The following PRPSAP1 variants were observed in gnomAD, a reference collection of about 807,000 sequenced individuals.
PRPSAP1 encodes the protein phosphoribosyl pyrophosphate synthase-associated protein 1.
PRPSAP1 carries 31 observed loss-of-function variants against 39.4 expected under a neutral mutation model. The ratio of observed to expected loss-of-function variants is 0.79; its 90% CI spans 0.59 to 1.06. The LOEUF is 1.06. PRPSAP1 is among the 50% of genes least tolerant of loss of function. The probability of loss-of-function intolerance (pLI) is 0.00; values close to 1 mark genes in which losing one functional copy is unlikely to be tolerated. For synonymous variants in PRPSAP1, 212 were observed against 192.6 expected, an observed-to-expected ratio of 1.10 and a Z score of -0.83; for missense variants, 430 against 511.6, an observed-to-expected ratio of 0.84 and a Z score of 1.54.
intron 7 of PRPSAP1, among the ~76,000 whole-genome samples, chr17:76,319,828 C>T (rs912814825): frequency 8.5e-5 from 13 of 152,132 alleles, no homozygotes; most frequent in African/African-American, 3.1e-4. Context: ...TGGCCAAGTA[C>T]AGTGCTAAGA....
intron 3 of PRPSAP1, among the ~76,000 whole-genome samples, chr17:76,338,748 A>C (rs1352541429): frequency 6.6e-6 from 1 of 151,716 alleles, no homozygotes; most frequent in Non-Finnish European, 1.5e-5. Flanking sequence ...AAAATAAAAA[A>C]TTAGGCCAGG....
chr17:76,351,489 T>C (rs1466191009), intron 1 of PRPSAP1, among the ~76,000 whole-genome samples: 1 of 151,836 alleles, frequency 6.6e-6, no homozygotes, highest in African/African-American at 2.4e-5. Context: ...CACTCCAGCC[T>C]GGGCGACAGC....
intron 3 of PRPSAP1, chr17:76,337,415 A>G (rs2071390515): frequency 8.4e-6 from 1 of 118,504 alleles, no homozygotes; most frequent in Non-Finnish European, 1.7e-5. Context: ...GAAGTGTTCC[A>G]TATTGGAAAA....
intron 1 of PRPSAP1, among the ~76,000 whole-genome samples, chr17:76,350,727 C>A (rs1358435886): frequency 1.3e-5 from 2 of 152,100 alleles, no homozygotes; most frequent in Non-Finnish European, 2.9e-5. Context: ...CTGAAGTGTA[C>A]ACTTAAAAAT....
intron 7 of PRPSAP1, among the ~76,000 whole-genome samples, chr17:76,324,122 AAC>A (rs2071226766): frequency 6.7e-6 from 1 of 150,268 alleles, no homozygotes; most frequent in African/African-American, 2.5e-5. Context: ...CAGCCTGGGC[AAC>A]AGAGTGAGAC....
intron 3 of PRPSAP1, among the ~76,000 whole-genome samples, chr17:76,338,330 C>T (rs953110655): frequency 1.3e-5 from 2 of 152,288 alleles, no homozygotes; most frequent in East Asian, 3.9e-4. Context: ...AGCCTTATTA[C>T]TTTAGGCAAT....
rs1372041657 is a variant in PRPSAP1 at position 76,353,543 on chromosome 17, C to T, written c.161G>A (p.Arg54His). 5.9e-6 allele frequency: 9 copies of T among 1,535,120 alleles called. No homozygotes were observed. In the East Asian group the frequency reaches 1.9e-4, roughly 32 times the overall value. Residue 54 changes from arginine to histidine, a missense_variant, in exon 1 of 10, where the codon CGC becomes CAC. Coordinates refer to ENST00000446526, the MANE Select transcript of PRPSAP1 (RefSeq NM_002766.3). ...STAACTELAKRITERLGAELG... is the reference protein window; with the variant it reads ...STAACTELAKHITERLGAELG... The stretch of plus-strand genomic sequence containing the variant: ...CCCACCGCCCCCTTACTCTGTGATG[C>T]GCTTGGCCAGCTCCGTGCAGGCGGC...
chr17:76,327,790 A>G (rs918711749), intron 7 of PRPSAP1, among the ~76,000 whole-genome samples: 3 of 152,246 alleles, frequency 2.0e-5, no homozygotes, highest in African/African-American at 7.2e-5. Flanking sequence ...TACTGAAGCT[A>G]AAATTATCAA....
chr17:76,339,028 G>A (rs1006026761), intron 3 of PRPSAP1, among the ~76,000 whole-genome samples: 1 of 150,914 alleles, frequency 6.6e-6, no homozygotes, highest in South Asian at 2.1e-4. Flanking sequence ...AAAGAAACTC[G>A]TCTCAAAAAA....
At chr17:76,315,519 T>C (rs1285940191) in intron 7 of PRPSAP1, among the ~76,000 whole-genome samples, 1 of 152,018 alleles carries the variant, frequency 6.6e-6, no homozygotes. Flanking sequence ...ATATATTTCC[T>C]GATTTCACAT....
At chr17:76,324,991 CT>C (rs1315633364) in intron 7 of PRPSAP1, among the ~76,000 whole-genome samples, 1 of 150,524 alleles carries the variant, frequency 6.6e-6, no homozygotes, top group Non-Finnish European at 1.5e-5. Context: ...TGGTGTGAAC[CT>C]GGGGGGTGGA....
chr17:76,326,213 CT>C (rs1328867793), intron 7 of PRPSAP1, among the ~76,000 whole-genome samples: 2 of 152,094 alleles, frequency 1.3e-5, no homozygotes, highest in African/African-American at 4.8e-5. Context: ...AGAAAGCTTT[CT>C]TGCATTAGAA....
At chr17:76,352,644 CAAAAAAAAAAA>C (rs55986677) in intron 1 of PRPSAP1, among the ~76,000 whole-genome samples, 3 of 53,584 alleles carry the variant, frequency 5.6e-5, no homozygotes, top group Non-Finnish European at 7.8e-5. Context: ...GACTCCGTCT[CAAAAAAAAAAA>C]AAAAAAAAAA....
chr17:76,313,298 G>T (rs1162876593), intron 8 of PRPSAP1: 3 of 328,236 alleles, frequency 9.1e-6, no homozygotes, highest in African/African-American at 6.4e-5. Context: ...CGTTTCTGGT[G>T]AATCCCACAT....
At chr17:76,329,966 C>T in intron 6 of PRPSAP1, 77 bp downstream of exon 6, 1 of 1,403,300 alleles carries the variant, frequency 7.1e-7, no homozygotes, top group South Asian at 1.2e-5. Context: ...CGAGTGACAG[C>T]CTCTGGATTC....
chr17:76,313,751 C>T (rs1309270010), intron 8 of PRPSAP1, 70 bp downstream of exon 8: 31 of 1,510,998 alleles, frequency 2.1e-5, no homozygotes, highest in Admixed American at 1.0e-4. Flanking sequence ...AAATACAGTC[C>T]CAGAGTGGAC....
chr17:76,328,036 A>T (rs2071271779), intron 7 of PRPSAP1, among the ~76,000 whole-genome samples: 1 of 152,048 alleles, frequency 6.6e-6, no homozygotes, highest in Non-Finnish European at 1.5e-5. Context: ...AGAAAAAAAA[A>T]GGAACAGAAA....
At chr17:76,323,972 C>G (rs2071225441) in intron 7 of PRPSAP1, among the ~76,000 whole-genome samples, 1 of 151,054 alleles carries the variant, frequency 6.6e-6, no homozygotes, top group Admixed American at 6.6e-5. Context: ...ATGGTAAAAC[C>G]CTGTCTCTAC....
At chr17:76,346,271 T>C (rs75255426) in intron 2 of PRPSAP1, among the ~76,000 whole-genome samples, 3,498 of 152,320 alleles carry the variant, frequency 0.023, 145 homozygotes, top group African/African-American at 0.08. Context: ...ATGAATAGAA[T>C]GTCTCCGAAG....
Sources: gnomAD v4.1 joint callset for allele counts (sites outside exome capture counted in the v4.1 genomes callset) on GRCh38, gnomAD v4.1.1 for gene constraint, MANE v1.5 for transcripts, NCBI Gene and HGNC (gene_info 2026-07-23, HGNC 2026-07-21) for gene names.